P2RX5: variants seen among roughly 807,000 people sequenced by gnomAD.
P2RX5 encodes P2X purinoceptor 5.
A neutral mutation model predicts 54.1 loss-of-function variants in P2RX5; 46 were observed. The observed-to-expected ratio is 0.85, with a 90% CI of 0.67 to 1.09. P2RX5 has a LOEUF of 1.09. Among genes scored for constraint, P2RX5 ranks in the 50% least tolerant of loss-of-function variants. P2RX5 has a pLI of 0.00. For synonymous variants in P2RX5, 226 were observed against 226.4 expected (o/e 1.00, Z 0.02); for missense variants, 566 against 549.8 (o/e 1.03, Z -0.29).
At chr17:3,709,415 C>T in the P2RX5 span, among the ~76,000 whole-genome samples, 1 of 152,198 alleles carries the variant, frequency 6.6e-6, no homozygotes, top group East Asian at 1.9e-4. Context: ...GCAAGTCAAC[C>T]GAAGTTGGGA....
chr17:3,707,154 T>C, the P2RX5 span, among the ~76,000 whole-genome samples: 2 of 152,102 alleles, frequency 1.3e-5, no homozygotes, highest in African/African-American at 4.8e-5. Context: ...TGATAGACGG[T>C]TGGGAAAACG....
chr17:3,695,172 G>A (rs879497), intron 1 of P2RX5, among the ~76,000 whole-genome samples: 1 of 152,062 alleles, frequency 6.6e-6, no homozygotes, highest in Non-Finnish European at 1.5e-5. Context: ...GCTCACCCCC[G>A]ACCCACCCCG....
chr17:3,705,082 T>C, the P2RX5 span, among the ~76,000 whole-genome samples: 1 of 152,162 alleles, frequency 6.6e-6, no homozygotes, highest in Non-Finnish European at 1.5e-5. Flanking sequence ...CCACGGTACC[T>C]CTTAGAGCTA....
At chr17:3,691,566 C>T (rs1378570072) in intron 2 of P2RX5, 78 bp downstream of exon 2, 1 of 1,576,932 alleles carries the variant, frequency 6.3e-7, no homozygotes, top group African/African-American at 1.3e-5. Context: ...CCTGCGTATC[C>T]AAGAAGCTTC....
chr17:3,714,597 T>G, the P2RX5 span: 1 of 364,126 alleles, frequency 2.7e-6, no homozygotes, highest in Non-Finnish European at 4.9e-6. Context: ...AAATCCTAAG[T>G]AATACTGTAT....
At chr17:3,682,135 G>A (rs2050301641) in intron 9 of P2RX5, 157 bp from the exon 10 acceptor site, 1 of 679,116 alleles carries the variant, frequency 1.5e-6, no homozygotes, top group South Asian at 1.5e-5. Flanking sequence ...GGGCACCCTT[G>A]TCCGACACCA....
intron 1 of P2RX5, among the ~76,000 whole-genome samples, chr17:3,692,842 A>C (rs977951245): frequency 1.2e-4 from 19 of 152,150 alleles, no homozygotes; most frequent in Non-Finnish European, 2.2e-4. Flanking sequence ...ACAACAACAA[A>C]AAAATGAAAT....
chr17:3,679,089 C>G (rs968847772), intron 11 of P2RX5, among the ~76,000 whole-genome samples: 1 of 152,188 alleles, frequency 6.6e-6, no homozygotes. Flanking sequence ...CAGAGACGTT[C>G]GGCAAAGGCA....
intron 10 of P2RX5, 97 bp downstream of exon 10, chr17:3,681,786 GCCCCTGCCTCCCA>G: frequency 1.3e-6 from 1 of 780,252 alleles, no homozygotes. Flanking sequence ...GGGCCCTCCA[GCCCCTGCCTCCCA>G]CCCCAGCCAT....
chr17:3,699,844 GAA>G (rs565713894), upstream of P2RX5, among the ~76,000 whole-genome samples: 36 of 105,934 alleles, frequency 3.4e-4, no homozygotes, highest in African/African-American at 1.1e-3. Flanking sequence ...GAGAGAGAAA[GAA>G]AAAGAAAAAA....
Position 3,674,044 on chromosome 17 carries a change from C to T in P2RX5, c.1260-167G>A, listed in dbSNP as rs891614324. ...CAGTTTCCGGCCAGGCGCGGTGGCT[C>T]ATGCCCATGCCTGTAATCGCAGCAC... On this transcript the variant is annotated intron_variant, in intron 11 of 11. Coordinates refer to ENST00000225328, the MANE Select transcript of P2RX5 (RefSeq NM_002561.4). Among the ~76,000 whole-genome samples the T allele has an allele frequency of 2.6e-4, 40 of 152,162 alleles. 1 individual carries two copies. Among genetic ancestry groups the T allele is most frequent in the Admixed American group, 1.9e-3 (29 of 15,278 alleles).
In P2RX5 at chr17:3,679,617, A is replaced by G; in HGVS notation, c.1232T>C (p.Val411Ala). ...GSSSQKGNGS[V>A]CPQLLEPHRS... ...GTGGGGCTCCAGGAGCTGTGGGCAC[A>G]CAGATCCGTTCCCCTTCTGACTGCT... Residue 411 changes from valine to alanine, a missense_variant, in exon 11 of 12, where the codon GTG becomes GCG. Val to Ala is a moderately conservative substitution (Grantham distance 64). Transcript: ENST00000225328. The G allele has an allele frequency of 1.2e-6, 2 of 1,608,488 alleles. No individual in the cohort carries two copies. The highest frequency in any genetic ancestry group is 3.3e-4 in the Middle Eastern group (2 of 6,058).
At chr17:3,674,734 C>G (rs1415925721) in intron 11 of P2RX5, among the ~76,000 whole-genome samples, 7 of 152,216 alleles carry the variant, frequency 4.6e-5, no homozygotes, top group Non-Finnish European at 7.3e-5. Flanking sequence ...GCTTCTCTTA[C>G]CTGGAATGCT....
At chr17:3,691,093 C>T (rs556999452) in intron 2 of P2RX5, 66 bp from the exon 3 acceptor site, 12 of 1,213,618 alleles carry the variant, frequency 9.9e-6, no homozygotes, top group East Asian at 9.5e-5. Context: ...ACCTTTCCAG[C>T]GTTACCTGAA....
At chr17:3,693,986 A>G (rs1232243961) in intron 1 of P2RX5, among the ~76,000 whole-genome samples, 1 of 152,090 alleles carries the variant, frequency 6.6e-6, no homozygotes, top group Non-Finnish European at 1.5e-5. Context: ...GCTAGCCTTG[A>G]ACTCCTGACC....
the P2RX5 span, chr17:3,723,145 G>T: frequency 1.6e-6 from 1 of 627,568 alleles, no homozygotes; most frequent in Non-Finnish European, 2.9e-6. Flanking sequence ...CTAAGGAACG[G>T]GTTGGGACAG....
At chr17:3,716,459 C>T in the P2RX5 span, among the ~76,000 whole-genome samples, 2 of 152,116 alleles carry the variant, frequency 1.3e-5, no homozygotes, top group Admixed American at 1.3e-4. Flanking sequence ...TAGGGAGGTA[C>T]CAAAGAAATA....
rs781708827 is a variant in P2RX5 at position 3,695,906 on chromosome 17, G to A, written c.100C>T (p.Arg34Trp). ...AKNKKVGLLY[R>W]LLQASILAYL... ...GCCAGGATGGAGGCCTGCAGCAGCC[G>A]GTACAGCAGGCCCACCTTCTTGTTC... Residue 34 changes from arginine (R) to tryptophan (W), a missense_variant, in exon 1 of 12, where the codon CGG becomes TGG. Physicochemically the swap from Arg to Trp is moderately radical, Grantham distance 101. Coordinates refer to ENST00000225328, the MANE Select transcript of P2RX5 (RefSeq NM_002561.4). 4 of 1,610,476 alleles carry A rather than the reference G, an allele frequency of 2.5e-6. No individual in the cohort carries two copies. In the East Asian group the frequency reaches 9.0e-5, roughly 36 times the overall value.
the P2RX5 span, chr17:3,723,421 G>T: frequency 7.0e-7 from 1 of 1,437,750 alleles, no homozygotes; most frequent in Non-Finnish European, 9.8e-7. Flanking sequence ...ATTCCTTTCC[G>T]TGCGGAAAGT....
Sources: allele counts gnomAD v4.1 joint callset (sites outside exome capture counted in the v4.1 genomes callset), GRCh38; gene constraint gnomAD v4.1.1; transcripts MANE v1.5; gene names NCBI Gene and HGNC (gene_info 2026-07-23, HGNC 2026-07-21).